Variants in EEIG2 observed in about 807,000 individuals in gnomAD.
EEIG2 encodes the protein EEIG family member 2.
At chr1:108,591,835 G>A in the EEIG2 span, among the ~76,000 whole-genome samples, 6 of 152,164 alleles carry the variant, frequency 3.9e-5, no homozygotes, top group Non-Finnish European at 8.8e-5. Context: ...GTTGAAAGGA[G>A]AGTGGATGGA....
At chr1:108,583,706 G>A in the EEIG2 span, among the ~76,000 whole-genome samples, 1 of 152,038 alleles carries the variant, frequency 6.6e-6, no homozygotes, top group Non-Finnish European at 1.5e-5. Flanking sequence ...GTTTAAGTCT[G>A]AAAACAGACA....
At chr1:108,584,760 G>A in the EEIG2 span, among the ~76,000 whole-genome samples, 1 of 152,088 alleles carries the variant, frequency 6.6e-6, no homozygotes, top group Non-Finnish European at 1.5e-5. Context: ...TCACGTCTGT[G>A]TACCATCCCA....
At chr1:108,616,155 G>C in the EEIG2 span, among the ~76,000 whole-genome samples, 3 of 147,584 alleles carry the variant, frequency 2.0e-5, no homozygotes, top group African/African-American at 7.5e-5. Context: ...ATAGAGACAG[G>C]GTCTTGCTCT....
the EEIG2 span, among the ~76,000 whole-genome samples, chr1:108,615,786 T>TA: frequency 5.7e-3 from 658 of 114,524 alleles, 4 homozygotes; most frequent in Middle Eastern, 0.017. Context: ...TCTCAAGAAT[T>TA]AAAAAAAAAA....
the EEIG2 span, chr1:108,606,267 T>C: frequency 1.3e-6 from 2 of 1,539,186 alleles, no homozygotes; most frequent in Non-Finnish European, 1.8e-6. Context: ...GCAGATGTTC[T>C]TTTAACTGTT....
the EEIG2 span, chr1:108,627,853 A>G: frequency 7.8e-6 from 2 of 256,352 alleles, no homozygotes; most frequent in Non-Finnish European, 1.5e-5. Flanking sequence ...AAACTGTAGC[A>G]GTTTTAAGAT....
At chr1:108,565,748 C>T in the EEIG2 span, among the ~76,000 whole-genome samples, 2 of 152,160 alleles carry the variant, frequency 1.3e-5, no homozygotes, top group Non-Finnish European at 2.9e-5. Flanking sequence ...TTACTCTAAA[C>T]AAGCGGAAAG....
chr1:108,611,284 A>T, the EEIG2 span, among the ~76,000 whole-genome samples: 1 of 152,216 alleles, frequency 6.6e-6, no homozygotes, highest in East Asian at 1.9e-4. Flanking sequence ...GTTGCAACTC[A>T]ATTCATTTTT....
At chr1:108,636,668 C>G in the EEIG2 span, 1 of 152,072 alleles carries the variant, frequency 6.6e-6, no homozygotes, top group Non-Finnish European at 1.5e-5. Flanking sequence ...TGTAGAGAGA[C>G]TCTGAGAGAG....
the EEIG2 span, chr1:108,624,881 T>G: frequency 1.5e-6 from 1 of 688,894 alleles, no homozygotes; most frequent in East Asian, 2.7e-5. Flanking sequence ...TATGTAATTC[T>G]TGGTTGATCC....
the EEIG2 span, among the ~76,000 whole-genome samples, chr1:108,595,805 G>A: frequency 2.0e-5 from 3 of 151,742 alleles, no homozygotes; most frequent in African/African-American, 4.9e-5. Flanking sequence ...ATGCCTAATC[G>A]TATATGTTAT....
chr1:108,593,116 C>T, the EEIG2 span, among the ~76,000 whole-genome samples: 1 of 152,136 alleles, frequency 6.6e-6, no homozygotes, highest in Non-Finnish European at 1.5e-5. Context: ...TGAGATCACA[C>T]CACTGCACTC....
the EEIG2 span, among the ~76,000 whole-genome samples, chr1:108,561,858 C>G: frequency 2.0e-5 from 3 of 152,174 alleles, no homozygotes; most frequent in African/African-American, 7.2e-5. Context: ...TGCCCTGAGG[C>G]CTAGACTGTT....
chr1:108,600,776 G>T, the EEIG2 span: 1 of 1,393,606 alleles, frequency 7.2e-7, no homozygotes, highest in Non-Finnish European at 9.8e-7. Context: ...TGCTTTATCT[G>T]TTTCATTAGA....
At chr1:108,562,855 A>G in the EEIG2 span, among the ~76,000 whole-genome samples, 3 of 152,208 alleles carry the variant, frequency 2.0e-5, no homozygotes, top group African/African-American at 7.2e-5. Context: ...CAAGAAAAAA[A>G]AAAAAGAAAA....
the EEIG2 span, among the ~76,000 whole-genome samples, chr1:108,594,166 A>G: frequency 6.6e-6 from 1 of 151,916 alleles, no homozygotes; most frequent in African/African-American, 2.4e-5. Context: ...CCATCAGAGT[A>G]AAAAAAATGA....
At chr1:108,610,273 G>A in the EEIG2 span, among the ~76,000 whole-genome samples, 1 of 152,310 alleles carries the variant, frequency 6.6e-6, no homozygotes, top group African/African-American at 2.4e-5. Context: ...CATAACTGAA[G>A]TGATTAACTT....
At chr1:108,620,995 C>G in the EEIG2 span, among the ~76,000 whole-genome samples, 1 of 151,852 alleles carries the variant, frequency 6.6e-6, no homozygotes, top group Non-Finnish European at 1.5e-5. Flanking sequence ...TAGGGGATGA[C>G]TAGGAATTTA....
chr1:108,580,683 A>G, the EEIG2 span, among the ~76,000 whole-genome samples: 1 of 111,900 alleles, frequency 8.9e-6, no homozygotes, highest in Non-Finnish European at 1.7e-5. Context: ...CTTAAACCAA[A>G]TTCCCTTAAG....
Sources: gnomAD v4.1 joint callset for allele counts (sites outside exome capture counted in the v4.1 genomes callset) on GRCh38, gnomAD v4.1.1 for gene constraint, MANE v1.5 for transcripts, NCBI Gene and HGNC (gene_info 2026-07-23, HGNC 2026-07-21) for gene names.